PCDH15: variants seen among roughly 807,000 people sequenced by gnomAD.
The protein encoded by PCDH15 is protocadherin-15.
PCDH15 carries 129 observed loss-of-function variants against 178.5 expected under a neutral mutation model. The ratio of observed to expected loss-of-function variants is 0.72; its 90% CI spans 0.63 to 0.84. PCDH15 has a LOEUF of 0.84. PCDH15 is among the 40% of genes least tolerant of loss of function. The probability of loss-of-function intolerance (pLI) is 0.00; values close to 1 mark genes in which losing one functional copy is unlikely to be tolerated. For missense variants in PCDH15, 2,230 were observed against 2,099.9 expected (o/e 1.06, Z -1.21); for synonymous variants, 800 against 732.0 (o/e 1.09, Z -1.50).
intron 2 of PCDH15, among the ~76,000 whole-genome samples, chr10:54,635,581 A>G (rs2134797338): frequency 6.6e-6 from 1 of 152,000 alleles, no homozygotes; most frequent in Admixed American, 6.6e-5. Flanking sequence ...GGTAATTGGC[A>G]TTCTTTTATC....
intron 20 of PCDH15, among the ~76,000 whole-genome samples, chr10:53,998,525 G>A (rs1269106400): frequency 6.6e-6 from 1 of 152,080 alleles, no homozygotes; most frequent in Non-Finnish European, 1.5e-5. Context: ...AGACTACCAA[G>A]AAGATGTAAG....
chr10:55,002,066 T>C (rs1465900784), intron 2 of PCDH15, among the ~76,000 whole-genome samples: 2 of 152,198 alleles, frequency 1.3e-5, no homozygotes, highest in African/African-American at 4.8e-5. Context: ...ATTCTACTGG[T>C]GGAAGTTACC....
At chr10:53,860,640 A>G (rs901346312) in intron 27 of PCDH15, among the ~76,000 whole-genome samples, 1 of 150,140 alleles carries the variant, frequency 6.7e-6, no homozygotes, top group Non-Finnish European at 1.5e-5. Context: ...TTGAGGCACG[A>G]GAATTGCTTG....
intron 1 of PCDH15, among the ~76,000 whole-genome samples, chr10:55,171,912 G>GA (rs59407450): frequency 4.6e-5 from 7 of 150,592 alleles, no homozygotes; most frequent in South Asian, 4.2e-4. Flanking sequence ...AACCAGAAAA[G>GA]AAAAAAAAAA....
intron 1 of PCDH15, among the ~76,000 whole-genome samples, chr10:55,242,046 A>T (rs1443856028): frequency 6.6e-6 from 1 of 152,216 alleles, no homozygotes; most frequent in East Asian, 1.9e-4. Flanking sequence ...AAGCCAAGAT[A>T]ATCCATAATA....
intron 1 of PCDH15, among the ~76,000 whole-genome samples, chr10:54,782,226 T>C (rs1053330263): frequency 1.3e-5 from 2 of 152,096 alleles, no homozygotes; most frequent in South Asian, 2.1e-4. Flanking sequence ...CTTGATCTAG[T>C]AGTACAATAC....
At chr10:53,837,614 G>C (rs2077381268) in intron 29 of PCDH15, among the ~76,000 whole-genome samples, 1 of 152,024 alleles carries the variant, frequency 6.6e-6, no homozygotes. Context: ...GAAATTGAAA[G>C]AACACTTCCA....
chr10:53,880,965 GCT>G (rs572441513), intron 26 of PCDH15, among the ~76,000 whole-genome samples: 23 of 150,514 alleles, frequency 1.5e-4, no homozygotes, highest in Non-Finnish European at 2.5e-4. Flanking sequence ...TCTCCCTCGT[GCT>G]CTCTCTCTCT....
At chr10:55,310,464 T>A (rs776386835) in intron 1 of PCDH15, among the ~76,000 whole-genome samples, 2 of 152,212 alleles carry the variant, frequency 1.3e-5, no homozygotes, top group African/African-American at 2.4e-5. Flanking sequence ...CCTATTTGTT[T>A]TCCCAATCCA....
In PCDH15 at chr10:55,211,864, G is replaced by T. The variant is rs181066543; in HGVS notation, c.-155-45213C>A. Among the ~76,000 whole-genome samples, 7 of 152,228 alleles carry T rather than the reference G, an allele frequency of 4.6e-5. No homozygotes were observed. The East Asian group carries it at 1.2e-3, about 25-fold the overall frequency. On this transcript the variant is annotated intron_variant, in intron 1 of 5. Transcript: ENST00000458638. ...ATAGAAATGATACAGAAGGTAGAAA[G>T]AAATCATTTATGCAGATATTGAAGG...
intron 2 of PCDH15, among the ~76,000 whole-genome samples, chr10:55,418,115 C>A (rs947844242): frequency 6.6e-6 from 1 of 151,480 alleles, no homozygotes. Flanking sequence ...GAAATGTAAT[C>A]ATAGAACAGT....
intron 1 of PCDH15, among the ~76,000 whole-genome samples, chr10:54,787,034 T>C (rs968087128): frequency 6.6e-6 from 1 of 151,850 alleles, no homozygotes; most frequent in Admixed American, 6.6e-5. Context: ...ACAAAGTCCA[T>C]GGCCTTTAAT....
At chr10:54,096,261 A>G (rs7895521) in intron 15 of PCDH15, among the ~76,000 whole-genome samples, 118,820 of 151,424 alleles carry the variant, frequency 0.78, 47,629 homozygotes, top group African/African-American at 0.92. Flanking sequence ...CTAATTTCCC[A>G]GTATCCCTTT....
intron 15 of PCDH15, among the ~76,000 whole-genome samples, chr10:54,094,234 A>C (rs1202825225): frequency 4.6e-5 from 7 of 152,194 alleles, no homozygotes; most frequent in Non-Finnish European, 1.0e-4. Context: ...ACAGACAAAA[A>C]TCCTGCCCTT....
chr10:55,380,861 A>C (rs768447772), intron 2 of PCDH15, among the ~76,000 whole-genome samples: 9 of 152,172 alleles, frequency 5.9e-5, no homozygotes, highest in Admixed American at 2.6e-4. Flanking sequence ...GACCCTTCAC[A>C]GTCATTGATA....
chr10:55,070,742 A>G (rs1472879357), intron 2 of PCDH15, among the ~76,000 whole-genome samples: 1 of 151,568 alleles, frequency 6.6e-6, no homozygotes, highest in African/African-American at 2.4e-5. Context: ...TTGGCTTAGG[A>G]TTGACTTGGT....
At chr10:53,971,195 T>C (rs1589693435) in intron 21 of PCDH15, among the ~76,000 whole-genome samples, 1 of 152,324 alleles carries the variant, frequency 6.6e-6, no homozygotes, top group East Asian at 1.9e-4. Flanking sequence ...ACCACATGAT[T>C]ATCTCAATAG....
At chr10:54,749,739 T>C (rs1004028236) in intron 1 of PCDH15, among the ~76,000 whole-genome samples, 8 of 152,136 alleles carry the variant, frequency 5.3e-5, no homozygotes, top group African/African-American at 9.6e-5. Context: ...GCAAATGCAA[T>C]TGACAAAGTT....
At chr10:55,375,295 T>A (rs1588966580) in intron 2 of PCDH15, among the ~76,000 whole-genome samples, 3 of 152,206 alleles carry the variant, frequency 2.0e-5, no homozygotes, top group African/African-American at 7.2e-5. Flanking sequence ...GGCAGGGAAG[T>A]AATATTTAAA....
Sources: allele counts gnomAD v4.1 joint callset (sites outside exome capture counted in the v4.1 genomes callset), GRCh38; gene constraint gnomAD v4.1.1; transcripts MANE v1.5; gene names NCBI Gene and HGNC (gene_info 2026-07-23, HGNC 2026-07-21).